The following RARB variants were observed in gnomAD, a reference collection of about 807,000 sequenced individuals.
RARB encodes the protein HBV-activated protein.
In RARB, 17 loss-of-function variants were observed where a neutral mutation model predicts 51.9. The ratio of observed to expected loss-of-function variants is 0.33; its 90% CI spans 0.22 to 0.49. RARB has a LOEUF of 0.49. RARB is among the 20% of genes least tolerant of loss of function. The pLI, the probability that RARB is intolerant of heterozygous loss-of-function variation, is 0.99. For synonymous variants in RARB, 215 were observed against 195.4 expected, an observed-to-expected ratio of 1.10 and a Z score of -0.84; for missense variants, 369 against 550.8, an observed-to-expected ratio of 0.67 and a Z score of 3.30.
intron 5 of RARB, among the ~76,000 whole-genome samples, chr3:25,247,416 C>G (rs895549181): frequency 6.6e-5 from 10 of 152,188 alleles, no homozygotes; most frequent in African/African-American, 2.4e-4. Context: ...AACGGCCACC[C>G]AGTTTAGTGC....
chr3:25,259,462 C>T (rs1702945157), intron 5 of RARB, among the ~76,000 whole-genome samples: 1 of 152,154 alleles, frequency 6.6e-6, no homozygotes, highest in Admixed American at 6.6e-5. Flanking sequence ...ATTCTCCATT[C>T]TCTCTTCCCT....
chr3:25,063,641 A>G (rs1698596297), intron 3 of RARB, among the ~76,000 whole-genome samples: 3 of 152,156 alleles, frequency 2.0e-5, no homozygotes, highest in South Asian at 2.1e-4. Context: ...TTAAGGAACA[A>G]CTTAAAGACT....
rs185418362 is a variant in RARB, at chr3:25,478,558, T to C, written c.306+17217T>C. On this transcript the variant is annotated intron_variant, in intron 2 of 7. Transcript: ENST00000330688. The stretch of plus-strand genomic sequence containing the variant: ...TACTTCAGGGGACACACTCACTCAG[T>C]TAAATGGCGGATGGACATGTGGCTA... Among the ~76,000 whole-genome samples, 406 of 152,276 alleles carry C rather than the reference T, an allele frequency of 2.7e-3. 7 individuals carry two copies. The highest frequency in any genetic ancestry group is 0.021 in the Admixed American group (325 of 15,302).
At chr3:25,176,751 G>A (rs1039934010) in intron 5 of RARB, among the ~76,000 whole-genome samples, 2 of 152,042 alleles carry the variant, frequency 1.3e-5, no homozygotes, top group African/African-American at 4.8e-5. Context: ...AAATGGTTGA[G>A]ATATATCATA....
At chr3:25,424,936 G>A (rs1173181174), upstream of RARB, among the ~76,000 whole-genome samples, 2 of 152,196 alleles carry the variant, frequency 1.3e-5, no homozygotes, top group Non-Finnish European at 2.9e-5. Flanking sequence ...TTTGTTTTAT[G>A]ATTATGGGTT....
chr3:25,395,407 C>T (rs1039348406), intron 5 of RARB, among the ~76,000 whole-genome samples: 1 of 152,034 alleles, frequency 6.6e-6, no homozygotes, highest in African/African-American at 2.4e-5. Flanking sequence ...AATGAATTTC[C>T]CAGATGTTCT....
intron 5 of RARB, chr3:25,260,079 G>C: frequency 1.3e-6 from 1 of 784,812 alleles, no homozygotes; most frequent in Non-Finnish European, 1.5e-6. Context: ...TTGGGCACAA[G>C]GCCCAGATGA....
chr3:24,999,801 G>T (rs1168259705), intron 2 of RARB, among the ~76,000 whole-genome samples: 1 of 152,086 alleles, frequency 6.6e-6, no homozygotes, highest in Non-Finnish European at 1.5e-5. Flanking sequence ...TCTATATCTT[G>T]CCTCTGTGGT....
At chr3:25,220,240 A>G (rs774330796) in intron 5 of RARB, among the ~76,000 whole-genome samples, 2 of 152,196 alleles carry the variant, frequency 1.3e-5, no homozygotes, top group South Asian at 4.1e-4. Context: ...ACAACAAGTA[A>G]TAGAAAATTT....
At chr3:25,348,173 C>T (rs1429369882) in intron 5 of RARB, among the ~76,000 whole-genome samples, 1 of 152,162 alleles carries the variant, frequency 6.6e-6, no homozygotes. Flanking sequence ...CTTGGCCTTA[C>T]ATTTTTGACA....
intron 2 of RARB, among the ~76,000 whole-genome samples, chr3:24,985,522 T>G (rs566880394): frequency 6.6e-6 from 1 of 152,210 alleles, no homozygotes; most frequent in Non-Finnish European, 1.5e-5. Flanking sequence ...ACCTTACAGG[T>G]TTTCCTTTGG....
intron 3 of RARB, among the ~76,000 whole-genome samples, chr3:25,513,749 C>T (rs1281025975): frequency 1.3e-5 from 2 of 151,114 alleles, no homozygotes; most frequent in Non-Finnish European, 1.5e-5. Context: ...AAAGGGAAAA[C>T]GGTGCCTATT....
At chr3:25,163,466 C>G (rs1168862737) in intron 4 of RARB, among the ~76,000 whole-genome samples, 1 of 147,444 alleles carries the variant, frequency 6.8e-6, no homozygotes, top group African/African-American at 2.6e-5. Flanking sequence ...GATCATGCCA[C>G]TGCACACCAG....
At chr3:25,475,993 C>T (rs1695927985) in intron 2 of RARB, among the ~76,000 whole-genome samples, 1 of 152,194 alleles carries the variant, frequency 6.6e-6, no homozygotes, top group South Asian at 2.1e-4. Flanking sequence ...CTCCATGTTA[C>T]CTTCACTCAA....
In RARB at chr3:25,588,678, T is replaced by C. The variant is rs1019673976; in HGVS notation, c.787-4825T>C. Among the ~76,000 whole-genome samples the C allele has an allele frequency of 1.8e-4, 28 of 152,286 alleles. No homozygotes were observed. In the South Asian group the frequency reaches 2.3e-3, roughly 12 times the overall value. On this transcript the variant is annotated intron_variant, in intron 5 of 7. Transcript: ENST00000330688. ...AAGACCCCGGCCAGAGCTGCAGTCA[T>C]CTAAAGAATTCCAGAGGCTGGAAGC...
At chr3:25,560,479 C>G (rs146208806) in intron 3 of RARB, among the ~76,000 whole-genome samples, 2 of 152,290 alleles carry the variant, frequency 1.3e-5, no homozygotes, top group Admixed American at 1.3e-4. Context: ...AAATCCATCA[C>G]GTATATTAAG....
At chr3:25,483,288 A>G (rs554736343) in intron 2 of RARB, among the ~76,000 whole-genome samples, 1 of 152,356 alleles carries the variant, frequency 6.6e-6, no homozygotes, top group African/African-American at 2.4e-5. Flanking sequence ...TAGAAATTTT[A>G]GTTGAAAAAA....
intron 5 of RARB, among the ~76,000 whole-genome samples, chr3:25,332,082 A>G (rs960043327): frequency 1.3e-5 from 2 of 152,214 alleles, no homozygotes; most frequent in South Asian, 4.1e-4. Context: ...TCACAGCCAA[A>G]TTCTACCAGA....
chr3:25,069,706 G>A (rs1698730873), intron 3 of RARB, among the ~76,000 whole-genome samples: 1 of 152,368 alleles, frequency 6.6e-6, no homozygotes, highest in East Asian at 1.9e-4. Flanking sequence ...TCTGAAAGCG[G>A]AGGGGGAGGC....
Sources: allele counts gnomAD v4.1 joint callset (sites outside exome capture counted in the v4.1 genomes callset), GRCh38; gene constraint gnomAD v4.1.1; transcripts MANE v1.5; gene names NCBI Gene and HGNC (gene_info 2026-07-23, HGNC 2026-07-21).